Variants in RXFP1 observed in about 807,000 individuals in gnomAD.
RXFP1 encodes the protein relaxin family peptide receptor 1, also known as relaxin receptor 1.
A neutral mutation model predicts 89.8 loss-of-function variants in RXFP1; 73 were observed. The ratio of observed to expected loss-of-function variants is 0.81; its 90% CI spans 0.67 to 0.99. The LOEUF (loss-of-function observed/expected upper bound fraction) is 0.99, where lower values mean the gene tolerates loss of function less well. Ranked by LOEUF, RXFP1 falls within the 50% of genes least tolerant of loss-of-function variation. The pLI, the probability that RXFP1 is intolerant of heterozygous loss-of-function variation, is 0.00. For missense variants in RXFP1, 793 were observed against 895.5 expected, an observed-to-expected ratio of 0.89 and a Z score of 1.46; for synonymous variants, 277 against 305.5, an observed-to-expected ratio of 0.91 and a Z score of 0.97.
At position 158,628,685 on chromosome 4, in the gene RXFP1, C is replaced by A; in HGVS notation, c.875C>A (p.Ala292Glu). Residue 292 changes from alanine to glutamate, a missense_variant, in exon 11 of 18, where the codon GCA becomes GAA. By Grantham distance (107) the Ala-to-Glu change is moderately radical. Coordinates refer to ENST00000307765, the MANE Select transcript of RXFP1 (RefSeq NM_021634.4). ...AATCACTTAAATGAAAATACTTTTG[C>A]ACCTCTCCAGAAACTGGATGAATTG... ...KINHLNENTFAPLQKLDELDL... is the reference protein window; with the variant it reads ...KINHLNENTFEPLQKLDELDL... 6.3e-7 allele frequency: 1 copy of A among 1,577,374 alleles called. No homozygotes were observed. The highest frequency in any genetic ancestry group is 8.7e-7 in the Non-Finnish European group (1 of 1,149,874).
At chr4:158,584,529 C>T (rs763113562) in intron 2 of RXFP1, among the ~76,000 whole-genome samples, 1 of 152,090 alleles carries the variant, frequency 6.6e-6, no homozygotes, top group African/African-American at 2.4e-5. Context: ...ACTTATTAAA[C>T]TATCACATTT....
At chr4:158,594,190 A>G (rs1760077490) in intron 3 of RXFP1, among the ~76,000 whole-genome samples, 1 of 152,080 alleles carries the variant, frequency 6.6e-6, no homozygotes, top group African/African-American at 2.4e-5. Flanking sequence ...CATTCCAGAC[A>G]TGGTTCCATA....
At chr4:158,623,291 G>A (rs183658773) in intron 9 of RXFP1, among the ~76,000 whole-genome samples, 7 of 149,952 alleles carry the variant, frequency 4.7e-5, no homozygotes, top group Non-Finnish European at 7.4e-5. Flanking sequence ...CTGAGGTCAG[G>A]AGTTTGAGAC....
intron 1 of RXFP1, among the ~76,000 whole-genome samples, chr4:158,551,854 T>C (rs551903272): frequency 1.8e-4 from 27 of 152,162 alleles, no homozygotes; most frequent in African/African-American, 6.5e-4. Context: ...GGTAGGAGGA[T>C]TGCTTGAGCC....
intron 1 of RXFP1, among the ~76,000 whole-genome samples, chr4:158,536,305 C>T (rs369882648): frequency 1.3e-5 from 2 of 152,172 alleles, no homozygotes. Flanking sequence ...ATCAATAGTA[C>T]TACCCATGAT....
At position 158,568,266 on chromosome 4, in the gene RXFP1, G is replaced by A. The variant is rs143124066; in HGVS notation, c.50-4432G>A. Among the ~76,000 whole-genome samples the A allele has an allele frequency of 4.9e-4, 74 of 152,286 alleles. No individual in the cohort carries two copies. The East Asian group carries it at 0.013, about 27-fold the overall frequency. ...TCATTGTTGAAGTCAGTGAGACCAA[G>A]AACCCACCAATTCCGGACACAATAC... On this transcript the variant is annotated intron_variant, in intron 1 of 17. Coordinates refer to ENST00000307765, the MANE Select transcript of RXFP1 (RefSeq NM_021634.4).
chr4:158,521,919 C>A lies in RXFP1; in HGVS notation c.-58C>A. 8.1e-7 allele frequency: 1 copy of A among 1,241,808 alleles called. No homozygotes were observed. The highest frequency in any genetic ancestry group is 1.2e-5 in the South Asian group (1 of 80,478). 76.9% of individuals were successfully genotyped at this position (1,241,808 alleles called of 1,614,324 possible). On this transcript the variant is annotated 5_prime_UTR_variant, in exon 1 of 18. Coordinates refer to ENST00000307765, the MANE Select transcript of RXFP1 (RefSeq NM_021634.4). ...CAACCACTGTGAGCTGTATGCGATT[C>A]AGAAACCAAGACCAAATTTTGCTCA...
chr4:158,581,341 A>G (rs1757321507), intron 2 of RXFP1, among the ~76,000 whole-genome samples: 1 of 152,190 alleles, frequency 6.6e-6, no homozygotes, highest in Admixed American at 6.5e-5. Context: ...TTCTGACATC[A>G]TGGTTTGCTC....
Position 158,646,906 on chromosome 4 carries a change from TGTAG to T in RXFP1, c.1463_1466del (p.Val488AspfsTer15). 6.2e-7 allele frequency: 1 copy of T among 1,614,196 alleles called. No homozygotes were observed. The highest frequency in any genetic ancestry group is 8.5e-7 in the Non-Finnish European group (1 of 1,180,020). On this transcript the variant is annotated frameshift_variant, in exon 16 of 18. Transcript: ENST00000307765. LOFTEE classifies it high-confidence loss of function. ...GGATGGAGAGTACTCATTGTCAGCT[TGTAG>T]GATCTTTGGCCATTCTGTCCACAGA...
intron 2 of RXFP1, among the ~76,000 whole-genome samples, chr4:158,589,617 A>G (rs1427436626): frequency 6.6e-6 from 1 of 152,214 alleles, no homozygotes; most frequent in Non-Finnish European, 1.5e-5. Context: ...CTCATCAGAC[A>G]GGAAAGGGGA....
chr4:158,632,247 G>A (rs1013895994), intron 11 of RXFP1, among the ~76,000 whole-genome samples: 1 of 152,114 alleles, frequency 6.6e-6, no homozygotes, highest in Non-Finnish European at 1.5e-5. Context: ...CAGCAAAGAC[G>A]TTTATAATAT....
At chr4:158,596,428 T>G (rs926455873) in intron 3 of RXFP1, among the ~76,000 whole-genome samples, 1 of 151,966 alleles carries the variant, frequency 6.6e-6, no homozygotes, top group African/African-American at 2.4e-5. Context: ...GCCTGGCTAA[T>G]TATGTATTTT....
chr4:158,572,643 C>T, intron 1 of RXFP1, 55 bp from the exon 2 acceptor site: 1 of 1,511,016 alleles, frequency 6.6e-7, no homozygotes, highest in East Asian at 2.3e-5. Flanking sequence ...CTGCTCTTTG[C>T]CACGCCTTTG....
chr4:158,544,415 G>A lies in RXFP1; in HGVS notation c.49+22390G>A, dbSNP rs1463213678. On this transcript the variant is annotated intron_variant, in intron 1 of 17. Coordinates refer to ENST00000307765, the MANE Select transcript of RXFP1 (RefSeq NM_021634.4). Reference sequence around the variant, plus strand: ...ACATGGTCATAGAGGAAGTAAGTTAGAAGCTATAATTGACCTTCATCTTTT... The same window carrying A: ...ACATGGTCATAGAGGAAGTAAGTTAAAAGCTATAATTGACCTTCATCTTTT... 91 of 949,968 alleles carry A rather than the reference G, an allele frequency of 9.6e-5. 1 individual carries two copies. The highest frequency in any genetic ancestry group is 1.1e-4 in the Non-Finnish European group (89 of 799,294). 58.8% of individuals were successfully genotyped at this position (949,968 alleles called of 1,614,324 possible).
chr4:158,574,393 G>GA (rs1328924052), intron 2 of RXFP1, among the ~76,000 whole-genome samples: 2 of 151,984 alleles, frequency 1.3e-5, no homozygotes, highest in East Asian at 1.9e-4. Context: ...CCTCCTACTT[G>GA]AAAAAAATCA....
intron 13 of RXFP1, 152 bp from the exon 14 acceptor site, chr4:158,639,108 T>C (rs1370895620): frequency 1.9e-6 from 1 of 523,510 alleles, no homozygotes; most frequent in Non-Finnish European, 3.4e-6. Flanking sequence ...AGGAGGAGGA[T>C]TTGGGGAAGT....
chr4:158,632,869 C>T (rs778883584), intron 11 of RXFP1, among the ~76,000 whole-genome samples: 4 of 152,058 alleles, frequency 2.6e-5, no homozygotes, highest in African/African-American at 4.8e-5. Flanking sequence ...TGAGAAAATG[C>T]GATTGATTAA....
rs1766940172 is a variant in RXFP1, at chr4:158,626,812, TG to T, written c.756-7del. 6.6e-7 allele frequency: 1 copy of T among 1,522,822 alleles called. No homozygotes were observed. The highest frequency in any genetic ancestry group is 8.9e-7 in the Non-Finnish European group (1 of 1,117,666). The allele number at this position is 1,522,822 out of a possible 1,614,324, so 94.3% of individuals were successfully genotyped here. ...ATTTAGCTGTATCGTTTTATTTTTA[TG>T]TTCCAGGGACCTTGAAGGCAACCAT... On this transcript the variant is annotated splice_region_variant and splice_polypyrimidine_tract_variant and intron_variant, in intron 9 of 17. Transcript: ENST00000307765.
At chr4:158,525,541 G>A (rs1417971547) in intron 1 of RXFP1, among the ~76,000 whole-genome samples, 1 of 152,200 alleles carries the variant, frequency 6.6e-6, no homozygotes, top group East Asian at 1.9e-4. Context: ...TCACACATTA[G>A]TACAAACTTG....
Sources: gnomAD v4.1 joint callset for allele counts (sites outside exome capture counted in the v4.1 genomes callset) on GRCh38, gnomAD v4.1.1 for gene constraint, MANE v1.5 for transcripts, NCBI Gene and HGNC (gene_info 2026-07-23, HGNC 2026-07-21) for gene names.